Variants in IL1RAPL2 observed in about 807,000 individuals in gnomAD.
The protein encoded by IL1RAPL2 is interleukin 1 receptor accessory protein like 2.
Under a neutral mutation model 44.1 loss-of-function variants are expected in IL1RAPL2, and 3 were observed. The ratio of observed to expected loss-of-function variants is 0.07; its 90% CI spans 0.03 to 0.18. The LOEUF is 0.18. Ranked by LOEUF, IL1RAPL2 falls within the 10% of genes least tolerant of loss-of-function variation. IL1RAPL2 has a pLI of 1.00. For missense variants in IL1RAPL2, 391 were observed against 496.4 expected (o/e 0.79, Z 2.02); for synonymous variants, 181 against 178.8 (o/e 1.01, Z -0.10).
At chrX:105,116,207 T>C (rs1471407947) in intron 2 of IL1RAPL2, among the ~76,000 whole-genome samples, 3 of 112,717 alleles carry the variant, frequency 2.7e-5, no homozygotes, top group Admixed American at 1.9e-4. Flanking sequence ...GAGTGGGCAC[T>C]GAGGCCGAGG....
intron 2 of IL1RAPL2, among the ~76,000 whole-genome samples, chrX:104,911,625 T>G (rs1020674496): frequency 8.9e-6 from 1 of 111,882 alleles, no homozygotes; most frequent in African/African-American, 3.3e-5. Flanking sequence ...TGCAGTACTT[T>G]TAAAATGTAA....
intron 2 of IL1RAPL2, among the ~76,000 whole-genome samples, chrX:104,960,922 T>A (rs1409058421): frequency 8.9e-6 from 1 of 111,780 alleles, no homozygotes; most frequent in Non-Finnish European, 1.9e-5. Context: ...ATCTCTTATA[T>A]TTATGACTTG....
At chrX:105,623,452 T>G (rs757673359) in intron 6 of IL1RAPL2, among the ~76,000 whole-genome samples, 1 of 111,283 alleles carries the variant, frequency 9.0e-6, no homozygotes, top group Admixed American at 9.6e-5. Context: ...TGTAATCAAA[T>G]AATCTTAGAG....
At chrX:104,743,695 G>A (rs779749636) in intron 2 of IL1RAPL2, among the ~76,000 whole-genome samples, 10 of 110,303 alleles carry the variant, frequency 9.1e-5, no homozygotes, top group Non-Finnish European at 1.9e-4. Context: ...AAAATAGTGG[G>A]CAGAAAAAAA....
At chrX:104,587,247 G>A (rs772210087) in intron 1 of IL1RAPL2, among the ~76,000 whole-genome samples, 12 of 111,680 alleles carry the variant, frequency 1.1e-4, no homozygotes, top group African/African-American at 2.3e-4. Flanking sequence ...GAGGTGAAGC[G>A]TATAAAGGAT....
intron 2 of IL1RAPL2, among the ~76,000 whole-genome samples, chrX:105,078,394 G>T (rs1456246935): frequency 2.7e-5 from 3 of 111,082 alleles, no homozygotes; most frequent in African/African-American, 9.8e-5. Context: ...TCTTCTGGAA[G>T]TTTTGTCTCA....
At chrX:104,755,032 C>T (rs997034429) in intron 2 of IL1RAPL2, among the ~76,000 whole-genome samples, 1 of 111,564 alleles carries the variant, frequency 9.0e-6, no homozygotes, top group Admixed American at 9.6e-5. Flanking sequence ...TCTATAGTCT[C>T]AACAAATCAT....
At chrX:104,790,888 C>A (rs1932822117) in intron 2 of IL1RAPL2, among the ~76,000 whole-genome samples, 1 of 111,747 alleles carries the variant, frequency 8.9e-6, no homozygotes, top group African/African-American at 3.3e-5. Flanking sequence ...GATTTCCACT[C>A]CAGCACCACT....
At chrX:104,893,681 T>C (rs900241677) in intron 2 of IL1RAPL2, among the ~76,000 whole-genome samples, 8 of 111,710 alleles carry the variant, frequency 7.2e-5, no homozygotes, top group Non-Finnish European at 1.5e-4. Context: ...CTATGTGTGT[T>C]TCTGCACATG....
intron 2 of IL1RAPL2, among the ~76,000 whole-genome samples, chrX:104,858,458 C>T (rs1315395208): frequency 8.9e-6 from 1 of 111,850 alleles, no homozygotes; most frequent in Admixed American, 9.5e-5. Flanking sequence ...TCATAAACCA[C>T]ACCAAAGTTA....
intron 2 of IL1RAPL2, among the ~76,000 whole-genome samples, chrX:104,893,322 C>T (rs1298201724): frequency 1.8e-5 from 2 of 111,516 alleles, no homozygotes; most frequent in African/African-American, 6.5e-5. Context: ...TGGTGCAGAG[C>T]TGGGTTCAAT....
At chrX:105,218,265 C>T (rs1368905641) in intron 3 of IL1RAPL2, among the ~76,000 whole-genome samples, 1 of 111,291 alleles carries the variant, frequency 9.0e-6, no homozygotes, top group Admixed American at 9.6e-5. Flanking sequence ...TGTCTGCTCC[C>T]TGGAACCACG....
At chrX:104,753,822 T>C (rs181220871) in intron 2 of IL1RAPL2, among the ~76,000 whole-genome samples, 1 of 111,748 alleles carries the variant, frequency 8.9e-6, no homozygotes, top group African/African-American at 3.2e-5. Flanking sequence ...TATTGAAATA[T>C]TTCATATGCA....
rs185304358 is a variant in IL1RAPL2, at chrX:105,707,996, T to C, written c.773-9371T>C. Reference sequence around the variant, plus strand: ...AGGCTACAAAATAGAGTATAATGAATGGCAAGACCAGAGGGATTTGTCATC... The same window carrying C: ...AGGCTACAAAATAGAGTATAATGAACGGCAAGACCAGAGGGATTTGTCATC... On this transcript the variant is annotated intron_variant, in intron 6 of 10. Coordinates refer to ENST00000372582, the MANE Select transcript of IL1RAPL2 (RefSeq NM_017416.2). Among the ~76,000 whole-genome samples, 201 of 110,822 alleles carry C rather than the reference T, an allele frequency of 1.8e-3. 1 individual carries two copies. The highest frequency in any genetic ancestry group is 3.1e-3 in the Non-Finnish European group (166 of 52,856).
intron 6 of IL1RAPL2, among the ~76,000 whole-genome samples, chrX:105,533,876 T>A (rs971196899): frequency 8.9e-6 from 1 of 112,059 alleles, no homozygotes; most frequent in Admixed American, 9.5e-5. Context: ...TAGTTTCTGG[T>A]TTTCAGCCAA....
At chrX:105,407,184 G>A (rs2035652955) in intron 5 of IL1RAPL2, 11 of 463,410 alleles carry the variant, frequency 2.4e-5, no homozygotes, top group Non-Finnish European at 4.2e-5. Context: ...AGAGGATTAT[G>A]CTTGTTCTGA....
intron 2 of IL1RAPL2, among the ~76,000 whole-genome samples, chrX:105,158,219 G>A (rs2033286640): frequency 0.14 from 3 of 21 alleles, 1 homozygote; most frequent in Admixed American, 0.5. Context: ...TTACCTGGGT[G>A]TGGTGCGGGC....
At chrX:104,794,251 A>G (rs894634065) in intron 2 of IL1RAPL2, among the ~76,000 whole-genome samples, 1 of 111,977 alleles carries the variant, frequency 8.9e-6, no homozygotes, top group Non-Finnish European at 1.9e-5. Context: ...AGAATAACGC[A>G]CTATGATACA....
intron 5 of IL1RAPL2, among the ~76,000 whole-genome samples, chrX:105,382,860 A>G (rs1348693261): frequency 9.4e-6 from 1 of 106,430 alleles, no homozygotes; most frequent in Non-Finnish European, 1.9e-5. Context: ...TCAGCAAACT[A>G]TCGTAAGAAC....
Sources: gnomAD v4.1 joint callset for allele counts (sites outside exome capture counted in the v4.1 genomes callset) on GRCh38, gnomAD v4.1.1 for gene constraint, MANE v1.5 for transcripts, NCBI Gene and HGNC (gene_info 2026-07-23, HGNC 2026-07-21) for gene names.